Variants in EGFR observed in about 807,000 individuals in gnomAD.
The protein encoded by EGFR is epidermal growth factor receptor.
EGFR carries 58 observed loss-of-function variants against 143.0 expected under a neutral mutation model. The ratio of observed to expected loss-of-function variants is 0.41; its 90% CI spans 0.33 to 0.50. The LOEUF is 0.50. Ranked by LOEUF, EGFR falls within the 20% of genes least tolerant of loss-of-function variation. The pLI, the probability that EGFR is intolerant of heterozygous loss-of-function variation, is 0.39. For synonymous variants in EGFR, 613 were observed against 594.4 expected (o/e 1.03, Z -0.45); for missense variants, 1,307 against 1,579.0 (o/e 0.83, Z 2.92).
chr7:55,174,904 T>A (rs2128955072), intron 19 of EGFR, 84 bp downstream of exon 19: 1 of 1,059,768 alleles, frequency 9.4e-7, no homozygotes, highest in Non-Finnish European at 1.5e-6. Context: ...TGCTCTGCTC[T>A]AGACCCTGCT....
Position 55,200,380 on chromosome 7 carries a change from G to A in EGFR, c.2913G>A (p.Met971Ile), listed in dbSNP as rs1787793903. The A allele has an allele frequency of 6.2e-7, 1 of 1,614,094 alleles. No individual in the cohort carries two copies. Among genetic ancestry groups the A allele is most frequent in the African/African-American group, 1.3e-5 (1 of 75,016 alleles). Residue 971 changes from methionine (M) to isoleucine (I), a missense_variant, in exon 24 of 28, where the codon ATG (methionine) becomes ATA (isoleucine). By Grantham distance (10) the Met-to-Ile change is conservative. This residue lies in a region of EGFR where 313 missense variants were observed against 312.3 expected (regional missense o/e 1.00). Transcript: ENST00000275493. ...AGTTGATCATCGAATTCTCCAAAATGGCCCGAGACCCCCAGCGCTACCTTG... is the reference window on the plus strand; with the variant it reads ...AGTTGATCATCGAATTCTCCAAAATAGCCCGAGACCCCCAGCGCTACCTTG... ...FRELIIEFSK[M>I]ARDPQRYLVI...
At chr7:55,175,913 A>G (rs1256641265) in intron 19 of EGFR, among the ~76,000 whole-genome samples, 1 of 152,240 alleles carries the variant, frequency 6.6e-6, no homozygotes, top group Non-Finnish European at 1.5e-5. Context: ...ATATACTTCT[A>G]AATGAAAGAT....
chr7:55,172,549 A>ACCCAG (rs1471334374), intron 16 of EGFR, among the ~76,000 whole-genome samples: 1 of 152,106 alleles, frequency 6.6e-6, no homozygotes, highest in East Asian at 1.9e-4. Context: ...AAGTCCCTTC[A>ACCCAG]CCCAGCCTGG....
chr7:55,144,984 G>T (rs562287193), intron 3 of EGFR, among the ~76,000 whole-genome samples: 28 of 152,318 alleles, frequency 1.8e-4, no homozygotes, highest in South Asian at 1.0e-3. Flanking sequence ...CACTTCCTTG[G>T]TATGATTGTT....
At chr7:55,170,896 G>T in intron 15 of EGFR, 1 of 1,414,954 alleles carries the variant, frequency 7.1e-7, no homozygotes, top group Non-Finnish European at 9.2e-7. Context: ...TCAAAAGCCA[G>T]ATGTGAAAAC....
rs1419435669 is a variant in EGFR, at chr7:55,200,347, G to A, written c.2880G>A (p.Lys960=). The change falls in exon 24 of 28, where the codon AAG becomes AAA. Residue 960 remains lysine, a synonymous_variant. Transcript: ENST00000275493. ...CWMIDADSRP[K]FRELIIEFSK... is the part of the protein sequence containing the mutation. ...TGATAGACGCAGATAGTCGCCCAAA[G>A]TTCCGTGAGTTGATCATCGAATTCT... The A allele has an allele frequency of 5.0e-6, 8 of 1,614,094 alleles. No individual in the cohort carries two copies. The highest frequency in any genetic ancestry group is 1.6e-4 in the Middle Eastern group (1 of 6,062).
intron 27 of EGFR, among the ~76,000 whole-genome samples, chr7:55,203,230 CCA>C (rs759466736): frequency 2.9e-5 from 4 of 137,774 alleles, no homozygotes; most frequent in South Asian, 2.1e-4. Context: ...TACATACACA[CCA>C]CACACACATA....
At chr7:55,057,323 A>G (rs1041836731) in intron 1 of EGFR, among the ~76,000 whole-genome samples, 1 of 152,194 alleles carries the variant, frequency 6.6e-6, no homozygotes, top group African/African-American at 2.4e-5. Flanking sequence ...TCCAATCCAT[A>G]CCCGCAATCA....
Position 55,027,748 on chromosome 7 carries a change from C to A in EGFR, c.88+8383C>A, listed in dbSNP as rs538889943. 2.0e-5 allele frequency among the ~76,000 whole-genome samples: 3 copies of A among 152,062 alleles called. No homozygotes were observed. The South Asian group carries it at 6.2e-4, about 32-fold the overall frequency. On this transcript the variant is annotated intron_variant, in intron 1 of 27. Transcript: ENST00000275493. ...ACAAAAGTTTGCACAGTTCTAGACA[C>A]GATAAATACATGTGAAATCACACAA...
chr7:55,070,519 A>G (rs915674029), intron 1 of EGFR, among the ~76,000 whole-genome samples: 9 of 152,258 alleles, frequency 5.9e-5, no homozygotes, highest in African/African-American at 1.2e-4. Flanking sequence ...ATAGATACAT[A>G]CAAACATGCG....
chr7:55,138,337 T>C (rs186695901), intron 1 of EGFR, among the ~76,000 whole-genome samples: 45 of 152,350 alleles, frequency 3.0e-4, no homozygotes, highest in African/African-American at 9.9e-4. Flanking sequence ...TGGAACTTGA[T>C]GCAAATACTT....
At chr7:55,024,743 G>C (rs2128858101) in intron 1 of EGFR, among the ~76,000 whole-genome samples, 1 of 152,218 alleles carries the variant, frequency 6.6e-6, no homozygotes, top group South Asian at 2.1e-4. Context: ...TCCATATGTT[G>C]AGATGTAAGA....
At chr7:55,105,407 G>A (rs984242529) in intron 1 of EGFR, among the ~76,000 whole-genome samples, 10 of 152,180 alleles carry the variant, frequency 6.6e-5, no homozygotes, top group African/African-American at 2.2e-4. Context: ...CAAAGTCAGC[G>A]CTAAGATTTT....
intron 26 of EGFR, 43 bp downstream of exon 26, chr7:55,201,825 C>T (rs1787863108): frequency 6.3e-7 from 1 of 1,594,390 alleles, no homozygotes; most frequent in South Asian, 1.1e-5. Flanking sequence ...CAGCTCTCCA[C>T]TATGGCTCTA....
chr7:55,170,170 C>G lies in EGFR; in HGVS notation c.1881-1005C>G. 8.7e-6 allele frequency: 13 copies of G among 1,500,012 alleles called. No individual in the cohort carries two copies. In the South Asian group the frequency reaches 1.6e-4, roughly 18 times the overall value. The allele number at this position is 1,500,012 out of a possible 1,614,324, so 92.9% of individuals were successfully genotyped here. ...ATGGAAAAGAGGGAGCACCCAGACC[C>G]CCAAATTAAGAAGAGCAGTGTAGAG... On this transcript the variant is annotated intron_variant, in intron 15 of 27. Coordinates refer to ENST00000275493, the MANE Select transcript of EGFR (RefSeq NM_005228.5).
At chr7:55,093,518 A>G (rs1442403243) in intron 1 of EGFR, among the ~76,000 whole-genome samples, 1 of 152,182 alleles carries the variant, frequency 6.6e-6, no homozygotes, top group Non-Finnish European at 1.5e-5. Context: ...GTCCTCAGTG[A>G]TGGTAAACAG....
At position 55,165,319 on chromosome 7, in the gene EGFR, G is replaced by A. The variant is rs989939484; in HGVS notation, c.1762G>A (p.Gly588Ser). The change falls in exon 15 of 28, where the codon GGC becomes AGC. Residue 588 changes from glycine to serine, a missense_variant. Physicochemically the swap from Gly to Ser is moderately conservative, Grantham distance 56. Transcript: ENST00000275493. ...TATCCAGTGTGCCCACTACATTGAC[G>A]GCCCCCACTGCGTCAAGACCTGCCC... The part of the protein sequence containing the change: ...NCIQCAHYID[G>S]PHCVKTCPAG... The A allele has an allele frequency of 6.2e-6, 10 of 1,613,996 alleles. No individual in the cohort carries two copies. Among genetic ancestry groups the A allele is most frequent in the African/African-American group, 1.3e-5 (1 of 74,920 alleles).
At chr7:55,109,977 A>T in intron 1 of EGFR, 1 of 983,042 alleles carries the variant, frequency 1.0e-6, no homozygotes, top group African/African-American at 1.7e-5. Context: ...GTACATGAGG[A>T]GGCACAGAAA....
chr7:55,117,040 CGCTTTAGTA>C (rs1792899401), intron 1 of EGFR, among the ~76,000 whole-genome samples: 1 of 152,094 alleles, frequency 6.6e-6, no homozygotes, highest in Admixed American at 6.5e-5. Context: ...GGGTACTGGT[CGCTTTAGTA>C]GCTTTGAAAG....
Sources: allele counts gnomAD v4.1 joint callset (sites outside exome capture counted in the v4.1 genomes callset), GRCh38; gene constraint gnomAD v4.1.1; regional missense constraint gnomAD v4.1.1; transcripts MANE v1.5; gene names NCBI Gene and HGNC (gene_info 2026-07-23, HGNC 2026-07-21).